Variants in FMNL2 observed in about 807,000 individuals in gnomAD.
FMNL2 encodes formin like 2.
A neutral mutation model predicts 130.2 loss-of-function variants in FMNL2; 51 were observed. That is an observed-to-expected ratio of 0.39 (90% confidence interval 0.31 to 0.49). The LOEUF (loss-of-function observed/expected upper bound fraction) is 0.49, where lower values mean the gene tolerates loss of function less well. FMNL2 is among the 20% of genes least tolerant of loss of function. The pLI is 0.85. For synonymous variants in FMNL2, 465 were observed against 467.1 expected, an observed-to-expected ratio of 1.00 and a Z score of 0.06; for missense variants, 977 against 1,316.2, an observed-to-expected ratio of 0.74 and a Z score of 3.99.
intron 1 of FMNL2, among the ~76,000 whole-genome samples, chr2:152,504,487 C>T (rs1299643984): frequency 1.3e-5 from 2 of 151,728 alleles, no homozygotes; most frequent in African/African-American, 2.4e-5. Context: ...CTTCGTGATC[C>T]GCCTGCTTCG....
intron 1 of FMNL2, among the ~76,000 whole-genome samples, chr2:152,448,524 CT>C (rs1688474133): frequency 6.6e-6 from 1 of 152,204 alleles, no homozygotes; most frequent in East Asian, 1.9e-4. Flanking sequence ...ATAAAACTCT[CT>C]TCTTTGACTT....
At chr2:152,608,094 T>C (rs928895669) in intron 10 of FMNL2, among the ~76,000 whole-genome samples, 5 of 152,136 alleles carry the variant, frequency 3.3e-5, no homozygotes, top group African/African-American at 9.7e-5. Context: ...GAATCTACCA[T>C]AGTGAATTTC....
intron 25 of FMNL2, among the ~76,000 whole-genome samples, chr2:152,644,557 C>T (rs1488344238): frequency 6.6e-6 from 1 of 152,188 alleles, no homozygotes; most frequent in African/African-American, 2.4e-5. Context: ...CTTTAGTAGG[C>T]CACCTCTATT....
chr2:152,477,667 C>T (rs1323317554), intron 1 of FMNL2, among the ~76,000 whole-genome samples: 1 of 152,036 alleles, frequency 6.6e-6, no homozygotes, highest in East Asian at 1.9e-4. Flanking sequence ...AGGTGAGGTT[C>T]TTATATAATT....
intron 1 of FMNL2, among the ~76,000 whole-genome samples, chr2:152,366,799 C>G (rs1683581158): frequency 6.6e-6 from 1 of 152,102 alleles, no homozygotes; most frequent in Non-Finnish European, 1.5e-5. Flanking sequence ...AACCCCATCT[C>G]TAGAACAAAT....
At chr2:152,605,549 T>C (rs937038863) in intron 9 of FMNL2, among the ~76,000 whole-genome samples, 2 of 152,150 alleles carry the variant, frequency 1.3e-5, no homozygotes, top group Admixed American at 6.6e-5. Context: ...AGTCTTGAAC[T>C]CTGGGGCTCA....
chr2:152,362,564 C>T (rs1401423366), intron 1 of FMNL2, among the ~76,000 whole-genome samples: 3 of 151,638 alleles, frequency 2.0e-5, no homozygotes, highest in Admixed American at 1.3e-4. Context: ...AAGGTTTTAT[C>T]GCCCCAGTCC....
intron 1 of FMNL2, among the ~76,000 whole-genome samples, chr2:152,445,342 C>T (rs1342998597): frequency 6.6e-6 from 1 of 152,156 alleles, no homozygotes; most frequent in East Asian, 1.9e-4. Flanking sequence ...TTGGTGAGTA[C>T]TCCCCTCCTC....
chr2:152,561,030 A>G lies in FMNL2; in HGVS notation c.591A>G (p.Ala197=). The G allele has an allele frequency of 6.3e-7, 1 of 1,594,394 alleles. No homozygotes were observed. The highest frequency in any genetic ancestry group is 8.5e-7 in the Non-Finnish European group (1 of 1,169,790). The change falls in exon 6 of 26, where the codon GCA becomes GCG. Residue 197 remains alanine (A), a synonymous_variant. Transcript: ENST00000288670. ...TCTCCCGCTCTGGAAGACATTCTGC[A>G]CTGCGGTGAGTTCGTTTAATCAGGA... ...NSVSRSGRHS[A]LRYNTLPSRR... is the part of the protein sequence containing the mutation.
At chr2:152,443,945 A>G (rs1688204242) in intron 1 of FMNL2, among the ~76,000 whole-genome samples, 1 of 152,206 alleles carries the variant, frequency 6.6e-6, no homozygotes, top group African/African-American at 2.4e-5. Flanking sequence ...TTGAGTTCAC[A>G]ACATGGAAGT....
intron 9 of FMNL2, among the ~76,000 whole-genome samples, chr2:152,601,667 C>CTTTTTTTTTTTTTTTT (rs36031692): frequency 7.6e-6 from 1 of 132,238 alleles, no homozygotes; most frequent in African/African-American, 3.1e-5. Context: ...CTTTTCTTTT[C>CTTTTTTTTTTTTTTTT]TTTCTTTTTT....
intron 20 of FMNL2, among the ~76,000 whole-genome samples, chr2:152,630,430 T>C (rs1682081719): frequency 6.6e-6 from 1 of 152,244 alleles, no homozygotes; most frequent in Non-Finnish European, 1.5e-5. Flanking sequence ...AACTGCTTTT[T>C]GTAAGTACTT....
rs1682946989 is a variant in FMNL2 at position 152,640,028 on chromosome 2, A to C, written c.3017A>C (p.Glu1006Ala). ...CTCATGGAAAAACTCCTAGAGCAAG[A>C]AGCTCTGATGGAGCAGCAGGATCCA... is the stretch of plus-strand genomic sequence containing the variant. ...QALMEKLLEQEALMEQQDPKS... is the reference protein window; with the variant it reads ...QALMEKLLEQAALMEQQDPKS... Residue 1006 changes from glutamate (E) to alanine (A), a missense_variant, in exon 24 of 26, where the codon GAA (glutamate) becomes GCA (alanine). By Grantham distance (107) the Glu-to-Ala change is moderately radical. Coordinates refer to ENST00000288670, the MANE Select transcript of FMNL2 (RefSeq NM_052905.4). 1.9e-6 allele frequency: 3 copies of C among 1,555,678 alleles called. No individual in the cohort carries two copies. The highest frequency in any genetic ancestry group is 1.4e-5 in the African/African-American group (1 of 73,204).
intron 15 of FMNL2, among the ~76,000 whole-genome samples, chr2:152,622,225 G>A (rs1327174132): frequency 6.6e-6 from 1 of 152,154 alleles, no homozygotes; most frequent in Non-Finnish European, 1.5e-5. Context: ...TTGGACTTTG[G>A]TTGATTGTTT....
At chr2:152,398,968 TG>T (rs533339365) in intron 1 of FMNL2, among the ~76,000 whole-genome samples, 26 of 152,338 alleles carry the variant, frequency 1.7e-4, no homozygotes, top group African/African-American at 6.0e-4. Flanking sequence ...GAATTGAGTG[TG>T]TTGTGGAGAG....
intron 9 of FMNL2, among the ~76,000 whole-genome samples, chr2:152,597,824 G>A (rs564470610): frequency 7.2e-5 from 11 of 152,340 alleles, no homozygotes; most frequent in African/African-American, 2.6e-4. Flanking sequence ...TGGGCTGGGT[G>A]GAAGTGGTTC....
chr2:152,599,330 G>T (rs1380963125), intron 9 of FMNL2, among the ~76,000 whole-genome samples: 2 of 143,492 alleles, frequency 1.4e-5, no homozygotes, highest in African/African-American at 5.1e-5. Context: ...TGGACTTGAA[G>T]CATATTTCGG....
intron 13 of FMNL2, among the ~76,000 whole-genome samples, chr2:152,617,518 C>T (rs1283751659): frequency 2.0e-5 from 3 of 152,242 alleles, no homozygotes; most frequent in Admixed American, 2.0e-4. Context: ...GGATTTAATT[C>T]ATGCCACTTA....
At chr2:152,560,588 C>G (rs1695467024) in intron 5 of FMNL2, among the ~76,000 whole-genome samples, 1 of 152,164 alleles carries the variant, frequency 6.6e-6, no homozygotes, top group Admixed American at 6.5e-5. Flanking sequence ...ATGTTAGTGA[C>G]TTATATATTA....
Sources: allele counts gnomAD v4.1 joint callset (sites outside exome capture counted in the v4.1 genomes callset), GRCh38; gene constraint gnomAD v4.1.1; transcripts MANE v1.5; gene names NCBI Gene and HGNC (gene_info 2026-07-23, HGNC 2026-07-21).